PCDHGA4: variants seen among roughly 807,000 people sequenced by gnomAD.
PCDHGA4 encodes protocadherin gamma-A4.
A neutral mutation model predicts 54.6 loss-of-function variants in PCDHGA4; 38 were observed. The ratio of observed to expected loss-of-function variants is 0.70; its 90% CI spans 0.54 to 0.91. PCDHGA4 has a LOEUF of 0.91. PCDHGA4 is among the 40% of genes least tolerant of loss of function. The pLI is 0.00. For synonymous variants in PCDHGA4, 511 were observed against 512.9 expected (o/e 1.00, Z 0.05); for missense variants, 1,298 against 1,220.9 (o/e 1.06, Z -0.94).
rs1161697588 is a variant in PCDHGA4, at chr5:141,491,464, T to C, written c.2515-3343T>C. 7 of 1,613,982 alleles carry C rather than the reference T, an allele frequency of 4.3e-6. No homozygotes were observed. In the African/African-American group the frequency reaches 9.3e-5, roughly 22 times the overall value. On this transcript the variant is annotated intron_variant, in intron 1 of 3. Transcript: ENST00000571252. This position sits in a 1 kb window ranked among gnomAD's most constrained non-coding sequence, Gnocchi z 6.9. ...CCAGGACTCACCCTCCCCGGACTTCTATAAGCAGTCCAGCCCCAACCTGCA... is the reference window on the plus strand; with the variant it reads ...CCAGGACTCACCCTCCCCGGACTTCCATAAGCAGTCCAGCCCCAACCTGCA...
intron 1 of PCDHGA4, chr5:141,389,862 C>CGTGG (rs2091951757): frequency 6.2e-7 from 1 of 1,613,964 alleles, no homozygotes; most frequent in Non-Finnish European, 8.5e-7. Flanking sequence ...CACGTTGCAC[C>CGTGG]TGGTCTTCGC....
intron 1 of PCDHGA4, chr5:141,423,091 G>GCGTAC (rs2096708211): frequency 2.5e-6 from 4 of 1,613,908 alleles, no homozygotes; most frequent in African/African-American, 2.7e-5. Context: ...CGCGGTGGGG[G>GCGTAC]AGCACACGGG....
At chr5:141,404,129 A>C in intron 1 of PCDHGA4, 2 of 1,613,162 alleles carry the variant, frequency 1.2e-6, no homozygotes, top group Non-Finnish European at 1.7e-6. Context: ...TCTATCTTTT[A>C]CATTAGAAAA....
intron 1 of PCDHGA4, chr5:141,420,239 C>G (rs984335177): frequency 1.3e-6 from 2 of 1,593,300 alleles, no homozygotes; most frequent in African/African-American, 2.7e-5. Flanking sequence ...CATTTTAACT[C>G]CCAGCGTTGA....
intron 1 of PCDHGA4, chr5:141,370,273 C>A: frequency 1.2e-6 from 1 of 809,002 alleles, no homozygotes; most frequent in Non-Finnish European, 1.9e-6. Context: ...GCAGCGGAGA[C>A]ACCCATTAGA....
chr5:141,357,871 C>T (rs1760751635), intron 1 of PCDHGA4: 1 of 563,570 alleles, frequency 1.8e-6, no homozygotes, highest in African/African-American at 1.9e-5. Context: ...AATTTTACAA[C>T]TCTGAGCCAC....
At chr5:141,427,839 G>A (rs1276507135) in intron 1 of PCDHGA4, 3 of 1,547,192 alleles carry the variant, frequency 1.9e-6, no homozygotes, top group African/African-American at 2.7e-5. Context: ...GCGTGCCTTC[G>A]ACCACGAGCA....
chr5:141,392,916 G>A, intron 1 of PCDHGA4: 1 of 1,613,936 alleles, frequency 6.2e-7, no homozygotes, highest in Non-Finnish European at 8.5e-7. Context: ...TCGCTACTCT[G>A]TGCCAGAAGA....
At chr5:141,362,681 T>A in intron 1 of PCDHGA4, 1 of 1,158,954 alleles carries the variant, frequency 8.6e-7, no homozygotes, top group Non-Finnish European at 1.2e-6. Flanking sequence ...TTAATTGTCT[T>A]AATCTTATCT....
intron 1 of PCDHGA4, among the ~76,000 whole-genome samples, chr5:141,470,842 C>A (rs2099241464): frequency 6.6e-6 from 1 of 152,044 alleles, no homozygotes; most frequent in Non-Finnish European, 1.5e-5. Context: ...CACACGCCAC[C>A]ATGCTCAGAT....
intron 3 of PCDHGA4, among the ~76,000 whole-genome samples, chr5:141,509,532 A>C (rs2099877210): frequency 6.6e-6 from 1 of 152,124 alleles, no homozygotes; most frequent in African/African-American, 2.4e-5. Flanking sequence ...GCACAGGATG[A>C]AGCACCATCT....
chr5:141,468,360 A>T (rs1249822461), intron 1 of PCDHGA4: 1 of 151,938 alleles, frequency 6.6e-6, no homozygotes, highest in East Asian at 1.9e-4. Flanking sequence ...GAAAGAAAAA[A>T]GAAATAACTC....
At chr5:141,427,361 A>C in intron 1 of PCDHGA4, 1 of 457,772 alleles carries the variant, frequency 2.2e-6, no homozygotes, top group Non-Finnish European at 4.4e-6. Flanking sequence ...AGGACGCAGA[A>C]CCCTGGACGG....
chr5:141,371,696 C>G lies in PCDHGA4; in HGVS notation c.2514+14075C>G, dbSNP rs746156642. 4.3e-6 allele frequency: 7 copies of G among 1,614,058 alleles called. 1 individual carries two copies. The South Asian group carries it at 7.7e-5, about 18-fold the overall frequency. On this transcript the variant is annotated intron_variant, in intron 1 of 3. Transcript: ENST00000571252. ...ACAAAGGCAATCCACCGCTCTCCTCCAGCAAGACCATCACTCTGCACATCC... is the reference window on the plus strand; with the variant it reads ...ACAAAGGCAATCCACCGCTCTCCTCGAGCAAGACCATCACTCTGCACATCC...
chr5:141,358,686 G>T (rs896155075), intron 1 of PCDHGA4, among the ~76,000 whole-genome samples: 1 of 152,120 alleles, frequency 6.6e-6, no homozygotes, highest in Non-Finnish European at 1.5e-5. Flanking sequence ...TGCTTATCAT[G>T]ACATCACTAT....
rs374154790 is a variant in PCDHGA4, at chr5:141,490,709, C to A, written c.2515-4098C>A. The A allele has an allele frequency of 3.2e-5, 52 of 1,614,218 alleles. No homozygotes were observed. In the African/African-American group the frequency reaches 6.3e-4, roughly 19 times the overall value. On this transcript the variant is annotated intron_variant, in intron 1 of 3. Coordinates refer to ENST00000571252, the MANE Select transcript of PCDHGA4 (RefSeq NM_018917.4). The surrounding 1 kb of genome is among the most constrained non-coding windows in gnomAD (Gnocchi z 5.4). ...GACACTGGGGATAATGCCCGCCTCA[C>A]CTACTCCATTGTAGGAAATCAGGTT...
Position 141,477,931 on chromosome 5 carries a change from G to T in PCDHGA4, c.2515-16876G>T. 6.2e-7 allele frequency: 1 copy of T among 1,614,138 alleles called. No homozygotes were observed. Among genetic ancestry groups the T allele is most frequent in the Non-Finnish European group, 8.5e-7 (1 of 1,180,040 alleles). ...ACGCGGATGCAGGGCACAATGCCTG[G>T]CTCTCCTACAGTCTCTTGGGATCCC... On this transcript the variant is annotated intron_variant, in intron 1 of 3. Coordinates refer to ENST00000571252, the MANE Select transcript of PCDHGA4 (RefSeq NM_018917.4). This position sits in a 1 kb window ranked among gnomAD's most constrained non-coding sequence, Gnocchi z 4.9.
Position 141,432,587 on chromosome 5 carries a change from A to C in PCDHGA4, c.2515-62220A>C. ...CGCCTGGCTGTCCTACCGTCTGCTC[A>C]AGGCCAGCGAGCCGGGACTCTTCTC... On this transcript the variant is annotated intron_variant, in intron 1 of 3. Transcript: ENST00000571252. This position sits in a 1 kb window ranked among gnomAD's most constrained non-coding sequence, Gnocchi z 6.0. 1.9e-6 allele frequency: 3 copies of C among 1,613,250 alleles called. No individual in the cohort carries two copies. Among genetic ancestry groups the C allele is most frequent in the Non-Finnish European group, 2.5e-6 (3 of 1,179,918 alleles).
chr5:141,464,578 A>G (rs2099086989), intron 1 of PCDHGA4, among the ~76,000 whole-genome samples: 1 of 152,164 alleles, frequency 6.6e-6, no homozygotes, highest in Non-Finnish European at 1.5e-5. Flanking sequence ...ATAGATGAGA[A>G]TGTCCATTGT....
Sources: gnomAD v4.1 joint callset for allele counts (sites outside exome capture counted in the v4.1 genomes callset) on GRCh38, gnomAD v4.1.1 for gene constraint, Gnocchi (gnomAD v3.1) non-coding constraint, MANE v1.5 for transcripts, NCBI Gene and HGNC (gene_info 2026-07-23, HGNC 2026-07-21) for gene names.